TBATA: variants seen among roughly 807,000 people sequenced by gnomAD.
TBATA encodes protein TBATA.
In TBATA, 47 loss-of-function variants were observed where a neutral mutation model predicts 38.7. The observed-to-expected ratio is 1.21, with a 90% CI of 0.96 to 1.55. TBATA has a LOEUF of 1.55. TBATA is among the 40% of genes most tolerant of loss of function. The pLI is 0.00. For missense variants in TBATA, 436 were observed against 435.6 expected (o/e 1.00, Z -0.01); for synonymous variants, 183 against 170.5 (o/e 1.07, Z -0.57).
At chr10:70,772,060 C>G in intron 10 of TBATA, 3 of 365,702 alleles carry the variant, frequency 8.2e-6, no homozygotes, top group South Asian at 6.3e-5. Flanking sequence ...TGTTTTTCCA[C>G]CAGCACACCA....
chr10:70,774,486 C>T, intron 8 of TBATA, 129 bp from the exon 9 acceptor site: 1 of 867,842 alleles, frequency 1.2e-6, no homozygotes, highest in South Asian at 1.7e-5. Context: ...CCTCAGGTCC[C>T]CTCGGGAGAG....
Position 70,772,292 on chromosome 10 carries a change from G to A in TBATA, c.973+222C>T, listed in dbSNP as rs763980619. 4.3e-6 allele frequency: 3 copies of A among 702,782 alleles called. No homozygotes were observed. The South Asian group carries it at 4.5e-5, about 11-fold the overall frequency. The allele number at this position is 702,782 out of a possible 1,614,324, so 43.5% of individuals were successfully genotyped here. On this transcript the variant is annotated intron_variant, in intron 10 of 10. Coordinates refer to ENST00000456372, the MANE Select transcript of TBATA (RefSeq NM_001318241.2). ...TGGGATGTAAGTTCCGTGACAGCAG[G>A]AACTTGTCTGAATTCTTCCTCACTG...
intron 4 of TBATA, 73 bp from the exon 5 acceptor site, chr10:70,779,815 C>A: frequency 6.9e-7 from 1 of 1,444,792 alleles, no homozygotes; most frequent in Non-Finnish European, 9.2e-7. Flanking sequence ...AGGGAAGAGG[C>A]TGAGAGGCAG....
rs540080454 is a variant in TBATA at position 70,773,971 on chromosome 10, T to G, written c.920+242A>C. Among the ~76,000 whole-genome samples, 117 of 152,370 alleles carry G rather than the reference T, an allele frequency of 7.7e-4. No individual in the cohort carries two copies. The South Asian group carries it at 0.024, about 31-fold the overall frequency. On this transcript the variant is annotated intron_variant, in intron 9 of 10. Transcript: ENST00000456372. The stretch of plus-strand genomic sequence containing the variant: ...CCAGCCTTATCTGGTTAAAATTGAC[T>G]CCGGTGGCCCCCTTGGGGTGTCCCC...
rs956516041 is a variant in TBATA, at chr10:70,782,180, G to A, written c.42-144C>T. The A allele has an allele frequency of 1.9e-5, 24 of 1,240,094 alleles. No homozygotes were observed. The African/African-American group carries it at 3.2e-4, about 16-fold the overall frequency. The allele number at this position is 1,240,094 out of a possible 1,614,324, so 76.8% of individuals were successfully genotyped here. A position where few individuals can be genotyped will look rare whatever the true frequency, so the allele number is the denominator to read the frequency against. On this transcript the variant is annotated intron_variant, in intron 3 of 10. Transcript: ENST00000456372. Reference sequence around the variant, plus strand: ...CCTGGGTTTCACCACCACCCCCATAGCACCAAAAGCTAGGCCTCCCCCAGA... The same window carrying A: ...CCTGGGTTTCACCACCACCCCCATAACACCAAAAGCTAGGCCTCCCCCAGA...
chr10:70,773,670 G>A (rs1843017889), intron 9 of TBATA, among the ~76,000 whole-genome samples: 1 of 152,144 alleles, frequency 6.6e-6, no homozygotes, highest in Non-Finnish European at 1.5e-5. Flanking sequence ...TCTGTAAAAT[G>A]GAGCTAATAC....
intron 7 of TBATA, 148 bp downstream of exon 7, chr10:70,777,005 G>A (rs981945581): frequency 5.4e-6 from 4 of 743,952 alleles, no homozygotes; most frequent in Non-Finnish European, 8.3e-6. Context: ...GGGGGTCATA[G>A]CCCCTGCTGC....
intron 10 of TBATA, chr10:70,772,153 T>C (rs1406947795): frequency 4.1e-6 from 2 of 492,608 alleles, no homozygotes; most frequent in Non-Finnish European, 8.3e-6. Flanking sequence ...AGGAGCCCTC[T>C]CCCCACCTGC....
chr10:70,774,110 A>G, intron 9 of TBATA, 103 bp downstream of exon 9: 2 of 1,464,600 alleles, frequency 1.4e-6, no homozygotes, highest in Non-Finnish European at 1.8e-6. Flanking sequence ...AGACTTAGTC[A>G]GCCCAGACCC....
At chr10:70,771,592 G>A (rs1318008941) in intron 10 of TBATA, 131 bp from the exon 11 acceptor site, 2 of 815,062 alleles carry the variant, frequency 2.5e-6, no homozygotes, top group African/African-American at 3.4e-5. Context: ...CAGCTCTGCT[G>A]GTGACCGAGG....
chr10:70,780,517 G>A (rs1325228309), intron 4 of TBATA, among the ~76,000 whole-genome samples: 2 of 151,694 alleles, frequency 1.3e-5, no homozygotes, highest in Non-Finnish European at 2.9e-5. Flanking sequence ...TTTTCTCTCC[G>A]GTAGCTACAC....
In TBATA at chr10:70,776,686, C is replaced by G. The variant is rs1319924598; in HGVS notation, c.693+467G>C. Among the ~76,000 whole-genome samples, 7 of 152,298 alleles carry G rather than the reference C, an allele frequency of 4.6e-5. No individual in the cohort carries two copies. In the East Asian group the frequency reaches 1.2e-3, roughly 25 times the overall value. On this transcript the variant is annotated intron_variant, in intron 7 of 10. Coordinates refer to ENST00000456372, the MANE Select transcript of TBATA (RefSeq NM_001318241.2). ...CACCCACCGGGATGAGGCATGGACTCATCTCAGGCCTCAGTGGGGAAACGT... is the reference window on the plus strand; with the variant it reads ...CACCCACCGGGATGAGGCATGGACTGATCTCAGGCCTCAGTGGGGAAACGT...
At chr10:70,783,245 T>TA in intron 3 of TBATA, 94 bp downstream of exon 3, 1 of 1,435,224 alleles carries the variant, frequency 7.0e-7, no homozygotes, top group Admixed American at 1.7e-5. Context: ...CTTGGACTCC[T>TA]AATCTGTTGA....
chr10:70,784,264 C>T (rs1236384322), intron 2 of TBATA, among the ~76,000 whole-genome samples: 4 of 151,956 alleles, frequency 2.6e-5, no homozygotes, highest in African/African-American at 4.8e-5. Context: ...GCAGGAGAAG[C>T]GCATATAAGG....
At chr10:70,777,923 T>C (rs1843639431) in intron 6 of TBATA, 1 of 377,680 alleles carries the variant, frequency 2.6e-6, no homozygotes, top group Non-Finnish European at 5.2e-6. Context: ...TCCTGAGTGC[T>C]GCAGTGAGTT....
At position 70,773,056 on chromosome 10, in the gene TBATA, C is replaced by G. The variant is rs79338103; in HGVS notation, c.921-490G>C. 3.3e-3 allele frequency among the ~76,000 whole-genome samples: 501 copies of G among 152,276 alleles called. 3 individuals are homozygous for G. The highest frequency in any genetic ancestry group is 0.012 in the African/African-American group (483 of 41,554). On this transcript the variant is annotated intron_variant, in intron 9 of 10. Transcript: ENST00000456372. ...CCGATGTTATTTTCCCTCCCTACGA[C>G]TCTGGGAGGGGGCTTTTGAGAGATA... is the stretch of plus-strand genomic sequence containing the variant.
chr10:70,776,853 A>G (rs573017397), intron 7 of TBATA, among the ~76,000 whole-genome samples: 4 of 152,232 alleles, frequency 2.6e-5, no homozygotes, highest in African/African-American at 9.6e-5. Context: ...TCAACCCACC[A>G]TTGCAGCTCC....
rs140416002 is a variant in TBATA, at chr10:70,776,525, G to A, written c.693+628C>T. 2,891 of 407,000 alleles carry A rather than the reference G, an allele frequency of 7.1e-3. 18 individuals carry two copies. Among genetic ancestry groups the A allele is most frequent in the Non-Finnish European group, 1.0e-2 (1,973 of 197,990 alleles). The allele number at this position is 407,000 out of a possible 1,614,324, so 25.2% of individuals were successfully genotyped here. On this transcript the variant is annotated intron_variant, in intron 7 of 10. Coordinates refer to ENST00000456372, the MANE Select transcript of TBATA (RefSeq NM_001318241.2). ...GAACCCTGTCTGCTCTATCCACTTT[G>A]CTGCATTGTGGTAAGGTTTCAGAGG...
chr10:70,779,646 A>T lies in TBATA; in HGVS notation c.374T>A (p.Ile125Asn), dbSNP rs201588304. The T allele has an allele frequency of 2.0e-6, 3 of 1,532,358 alleles. No homozygotes were observed. In the African/African-American group the frequency reaches 4.4e-5, roughly 22 times the overall value. The allele number at this position is 1,532,358 out of a possible 1,614,324, so 94.9% of individuals were successfully genotyped here. A position where few individuals can be genotyped will look rare whatever the true frequency, so the allele number is the denominator to read the frequency against. The change falls in exon 5 of 11, where the codon ATC becomes AAC. Residue 125 changes from isoleucine (I) to asparagine (N), a missense_variant. By Grantham distance (149) the Ile-to-Asn change is moderately radical (BLOSUM62 -3). Transcript: ENST00000456372. ...FSGCQMGIPTISVPIGDPQSN... is the reference protein window; with the variant it reads ...FSGCQMGIPTNSVPIGDPQSN... Reference sequence around the variant, plus strand: ...CTGTGGGTCTCCAATGGGGACAGAGATGGTGGGTATCCCCATTTGACAGCC... The same window carrying T: ...CTGTGGGTCTCCAATGGGGACAGAGTTGGTGGGTATCCCCATTTGACAGCC...
Sources: allele counts gnomAD v4.1 joint callset (sites outside exome capture counted in the v4.1 genomes callset), GRCh38; gene constraint gnomAD v4.1.1; transcripts MANE v1.5; gene names NCBI Gene and HGNC (gene_info 2026-07-23, HGNC 2026-07-21).